The following PITPNA variants were observed in gnomAD, a reference collection of about 807,000 sequenced individuals.
PITPNA encodes phosphatidylinositol transfer protein alpha isoform.
Under a neutral mutation model 50.3 loss-of-function variants are expected in PITPNA, and 13 were observed. The observed-to-expected ratio is 0.26, with a 90% CI of 0.17 to 0.41. The LOEUF (loss-of-function observed/expected upper bound fraction) is 0.41. PITPNA is among the 10% of genes least tolerant of loss of function. The pLI is 1.00. For synonymous variants in PITPNA, 120 were observed against 119.6 expected (o/e 1.00, Z -0.02); for missense variants, 207 against 333.4 (o/e 0.62, Z 2.95).
At chr17:1,530,405 A>G (rs532920854) in intron 10 of PITPNA, among the ~76,000 whole-genome samples, 2 of 152,320 alleles carry the variant, frequency 1.3e-5, no homozygotes, top group East Asian at 1.9e-4. Context: ...ATAGTTCCAG[A>G]AATTTTTTCT....
intron 10 of PITPNA, among the ~76,000 whole-genome samples, chr17:1,523,328 G>T (rs1476366406): frequency 6.6e-6 from 1 of 151,872 alleles, no homozygotes; most frequent in African/African-American, 2.4e-5. Flanking sequence ...ATAGCTGCTA[G>T]AATGAAACTC....
Position 1,562,483 on chromosome 17 carries a change from C to T in PITPNA, c.20+58G>A. 1.5e-6 allele frequency: 2 copies of T among 1,356,026 alleles called. No homozygotes were observed. The highest frequency in any genetic ancestry group is 3.0e-5 in the South Asian group (2 of 66,650). The allele number at this position is 1,356,026 out of a possible 1,614,324, so 84.0% of individuals were successfully genotyped here. On this transcript the variant is annotated intron_variant, in intron 1 of 11. Coordinates refer to ENST00000313486, the MANE Select transcript of PITPNA (RefSeq NM_006224.4). The surrounding 1 kb of genome is among the most constrained non-coding windows in gnomAD (Gnocchi z 6.4). Reference sequence around the variant, plus strand: ...CTGCGTCCCTCGCCGCGCCGTCGCCCCGGCGGCCGTCCCCACCCTCCCTCC... The same window carrying T: ...CTGCGTCCCTCGCCGCGCCGTCGCCTCGGCGGCCGTCCCCACCCTCCCTCC...
intron 7 of PITPNA, 200 bp from the exon 8 acceptor site, chr17:1,535,718 T>C (rs944084417): frequency 8.5e-6 from 5 of 588,640 alleles, no homozygotes; most frequent in South Asian, 4.0e-5. Flanking sequence ...TTTTCTCCGA[T>C]AGGGTTTGTT....
intron 1 of PITPNA, among the ~76,000 whole-genome samples, chr17:1,559,310 A>G (rs1430820443): frequency 6.6e-6 from 1 of 152,126 alleles, no homozygotes; most frequent in African/African-American, 2.4e-5. Flanking sequence ...CTCAATGACC[A>G]CCAATTGCTG....
chr17:1,541,158 G>A lies in PITPNA; in HGVS notation c.372+408C>T, dbSNP rs572098092. Among the ~76,000 whole-genome samples, 3 of 152,316 alleles carry A rather than the reference G, an allele frequency of 2.0e-5. No individual in the cohort carries two copies. The South Asian group carries it at 6.2e-4, about 32-fold the overall frequency. Reference sequence around the variant, plus strand: ...GATCTTTGGCTACACAAAGAAGACTGCAATGAGTCTCCTTGTATATATGTT... The same window carrying A: ...GATCTTTGGCTACACAAAGAAGACTACAATGAGTCTCCTTGTATATATGTT... On this transcript the variant is annotated intron_variant, in intron 6 of 11. Coordinates refer to ENST00000313486, the MANE Select transcript of PITPNA (RefSeq NM_006224.4).
chr17:1,562,581 C>A lies in PITPNA; in HGVS notation c.-21G>T. The A allele has an allele frequency of 2.3e-6, 3 of 1,298,196 alleles. No homozygotes were observed. The highest frequency in any genetic ancestry group is 3.3e-5 in the East Asian group (1 of 29,884). The allele number at this position is 1,298,196 out of a possible 1,614,324, so 80.4% of individuals were successfully genotyped here. A position where few individuals can be genotyped will look rare whatever the true frequency, so the allele number is the denominator to read the frequency against. ...ACCATGTCGCTTCGCGGCTCGGTGGCTGCCCGCGGCCCGCCCGGCCTCCCG... is the reference window on the plus strand; with the variant it reads ...ACCATGTCGCTTCGCGGCTCGGTGGATGCCCGCGGCCCGCCCGGCCTCCCG... On this transcript the variant is annotated 5_prime_UTR_variant, in exon 1 of 12. Coordinates refer to ENST00000313486, the MANE Select transcript of PITPNA (RefSeq NM_006224.4). This position sits in a 1 kb window ranked among gnomAD's most constrained non-coding sequence, Gnocchi z 6.4.
At chr17:1,521,471 G>T in intron 11 of PITPNA, 108 bp downstream of exon 11, 1 of 759,084 alleles carries the variant, frequency 1.3e-6, no homozygotes. Flanking sequence ...ATCATTACTA[G>T]AGGGAAGGAG....
At chr17:1,528,864 AT>A (rs1347560320) in intron 10 of PITPNA, among the ~76,000 whole-genome samples, 1 of 152,106 alleles carries the variant, frequency 6.6e-6, no homozygotes, top group Non-Finnish European at 1.5e-5. Context: ...GTGGCTGGGC[AT>A]GGTGGCTCAC....
intron 2 of PITPNA, among the ~76,000 whole-genome samples, chr17:1,555,850 C>T (rs560725032): frequency 3.9e-5 from 6 of 152,348 alleles, no homozygotes; most frequent in South Asian, 4.1e-4. Flanking sequence ...AGGGCTTTCT[C>T]GCTCTGCTGC....
At chr17:1,532,183 G>A (rs1026859403) in intron 10 of PITPNA, among the ~76,000 whole-genome samples, 3 of 152,152 alleles carry the variant, frequency 2.0e-5, no homozygotes, top group East Asian at 3.8e-4. Flanking sequence ...TGCCTCCTGG[G>A]TTCAAGCGAT....
At chr17:1,536,295 CT>C (rs1227110875) in intron 7 of PITPNA, among the ~76,000 whole-genome samples, 7 of 111,744 alleles carry the variant, frequency 6.3e-5, no homozygotes, top group Non-Finnish European at 1.4e-4. Context: ...TTTTTTTTTT[CT>C]TTTTTTTTTG....
Position 1,518,779 on chromosome 17 carries a change from CA to C in PITPNA, c.*1781del, listed in dbSNP as rs2075490180. 2 of 152,200 alleles carry C rather than the reference CA, an allele frequency of 1.3e-5. No homozygotes were observed. The highest frequency in any genetic ancestry group is 2.9e-5 in the Non-Finnish European group (2 of 68,032). The allele number at this position is 152,200 out of a possible 1,614,324, so 9.4% of individuals were successfully genotyped here. The stretch of plus-strand genomic sequence containing the variant: ...ATGAATGAAGGAACATCTTTAAGCA[CA>C]AATATAATGAATAGCTAACACAGAG... On this transcript the variant is annotated 3_prime_UTR_variant, in exon 12 of 12. Transcript: ENST00000313486.
At position 1,518,902 on chromosome 17, in the gene PITPNA, G is replaced by C. The variant is rs1027985234; in HGVS notation, c.*1659C>G. On this transcript the variant is annotated 3_prime_UTR_variant, in exon 12 of 12. Transcript: ENST00000313486. ...CTACCAGCAGTTGAGATGCTACCCA[G>C]ATGCATTACTAAAGACCCCTCAAGG... The C allele has an allele frequency of 6.6e-6, 1 of 152,338 alleles. No individual in the cohort carries two copies. The highest frequency in any genetic ancestry group is 2.4e-5 in the African/African-American group (1 of 41,576). The allele number at this position is 152,338 out of a possible 1,614,324, so 9.4% of individuals were successfully genotyped here. A position where few individuals can be genotyped will look rare whatever the true frequency, so the allele number is the denominator to read the frequency against.
intron 10 of PITPNA, among the ~76,000 whole-genome samples, chr17:1,531,931 T>C (rs376777537): frequency 2.0e-5 from 3 of 152,196 alleles, no homozygotes; most frequent in Admixed American, 6.5e-5. Context: ...CCACAACATG[T>C]ACCACAATGA....
chr17:1,551,382 C>T (rs1303542526), intron 3 of PITPNA, among the ~76,000 whole-genome samples: 1 of 151,538 alleles, frequency 6.6e-6, no homozygotes, highest in Non-Finnish European at 1.5e-5. Context: ...GCCCTGACCT[C>T]TTGGGCTCGG....
chr17:1,523,365 C>A (rs539946300), intron 10 of PITPNA, among the ~76,000 whole-genome samples: 1 of 152,228 alleles, frequency 6.6e-6, no homozygotes, highest in South Asian at 2.1e-4. Context: ...TTGTTTGAGA[C>A]AGGGTCTGGC....
rs2075773172 is a variant in PITPNA, at chr17:1,562,406, G to A, written c.20+135C>T. 4.8e-6 allele frequency: 3 copies of A among 622,698 alleles called. No homozygotes were observed. The highest frequency in any genetic ancestry group is 4.4e-5 in the Admixed American group (1 of 22,860). 38.6% of individuals were successfully genotyped at this position (622,698 alleles called of 1,614,324 possible). On this transcript the variant is annotated intron_variant, in intron 1 of 11. Coordinates refer to ENST00000313486, the MANE Select transcript of PITPNA (RefSeq NM_006224.4). The surrounding 1 kb of genome is among the most constrained non-coding windows in gnomAD (Gnocchi z 6.4). ...GCCCCGGATCCCCTCCATCCCCGCT[G>A]GGCCCGCCTCAGGCACCCTCCGTCC...
chr17:1,545,624 T>C (rs578224468), intron 4 of PITPNA, among the ~76,000 whole-genome samples: 13 of 152,366 alleles, frequency 8.5e-5, no homozygotes, highest in African/African-American at 2.2e-4. Context: ...AGTGGCGCAA[T>C]TGGTTAGCGC....
chr17:1,559,304 A>G (rs1038389077), intron 1 of PITPNA, among the ~76,000 whole-genome samples: 1 of 152,180 alleles, frequency 6.6e-6, no homozygotes, highest in Non-Finnish European at 1.5e-5. Context: ...CTCCAACTCA[A>G]TGACCACCAA....
Sources: gnomAD v4.1 joint callset for allele counts (sites outside exome capture counted in the v4.1 genomes callset) on GRCh38, gnomAD v4.1.1 for gene constraint, Gnocchi (gnomAD v3.1) non-coding constraint, MANE v1.5 for transcripts, NCBI Gene and HGNC (gene_info 2026-07-23, HGNC 2026-07-21) for gene names.